Variants in SYTL3 observed in about 807,000 individuals in gnomAD.
SYTL3 encodes the protein synaptotagmin-like protein 3.
SYTL3 carries 88 observed loss-of-function variants against 82.1 expected under a neutral mutation model. The ratio of observed to expected loss-of-function variants is 1.07; its 90% CI spans 0.90 to 1.28. The LOEUF is 1.28. Ranked by LOEUF, SYTL3 falls within the 50% of genes most tolerant of loss-of-function variation. SYTL3 has a pLI of 0.00. For synonymous variants in SYTL3, 311 were observed against 289.4 expected (o/e 1.07, Z -0.76); for missense variants, 831 against 757.6 (o/e 1.10, Z -1.14).
At chr6:158,670,423 A>G (rs763324000) in intron 5 of SYTL3, among the ~76,000 whole-genome samples, 12 of 152,318 alleles carry the variant, frequency 7.9e-5, no homozygotes, top group South Asian at 6.2e-4. Flanking sequence ...GGTTAAGATG[A>G]TATTTGTCTA....
chr6:158,659,144 C>T (rs867906934), intron 2 of SYTL3, among the ~76,000 whole-genome samples: 3 of 152,178 alleles, frequency 2.0e-5, no homozygotes, highest in East Asian at 1.9e-4. Context: ...ACACATACCT[C>T]GAGTTCTCTA....
chr6:158,659,214 A>G (rs1365557563), intron 2 of SYTL3, among the ~76,000 whole-genome samples: 3 of 152,224 alleles, frequency 2.0e-5, no homozygotes, highest in African/African-American at 7.2e-5. Flanking sequence ...TGTATTTGAA[A>G]TACTTCCAGT....
chr6:158,744,597 G>A (rs531219170), intron 11 of SYTL3, among the ~76,000 whole-genome samples: 2 of 152,276 alleles, frequency 1.3e-5, no homozygotes, highest in East Asian at 3.9e-4. Flanking sequence ...GGGATTACAG[G>A]CGTGAGCCAC....
chr6:158,764,346 T>G, intron 17 of SYTL3, 149 bp from the exon 18 acceptor site: 1 of 600,240 alleles, frequency 1.7e-6, no homozygotes, highest in Non-Finnish European at 3.0e-6. Flanking sequence ...GGGGTGGGAG[T>G]GGTGGTGGCG....
In SYTL3 at chr6:158,682,908, TCTG is replaced by T. The variant is rs1221126222; in HGVS notation, c.330-14_330-12del. ...TATCTTCTCTCTCTGAAGCTTCCTTTCTGCTCATTTTTTCAGGAATGTCAAAAT... is the reference window on the plus strand; with the variant it reads ...TATCTTCTCTCTCTGAAGCTTCCTTTCTCATTTTTTCAGGAATGTCAAAAT... On this transcript the variant is annotated splice_polypyrimidine_tract_variant and intron_variant, in intron 5 of 17. Coordinates refer to ENST00000611299, the MANE Select transcript of SYTL3 (RefSeq NM_001242394.2). 4 of 1,606,716 alleles carry T rather than the reference TCTG, an allele frequency of 2.5e-6. No individual in the cohort carries two copies. Among genetic ancestry groups the T allele is most frequent in the African/African-American group, 1.3e-5 (1 of 74,790 alleles).
chr6:158,754,733 A>C (rs1788847881), intron 13 of SYTL3, among the ~76,000 whole-genome samples: 1 of 152,192 alleles, frequency 6.6e-6, no homozygotes, highest in Admixed American at 6.5e-5. Context: ...AAACAAAACA[A>C]AACAAAGCAA....
intron 11 of SYTL3, among the ~76,000 whole-genome samples, chr6:158,734,067 C>T (rs1785804156): frequency 8.4e-6 from 1 of 118,556 alleles, no homozygotes; most frequent in Admixed American, 1.1e-4. Flanking sequence ...TGCACTCCAG[C>T]ATGGGCAACA....
chr6:158,685,786 C>G (rs1779236825), intron 6 of SYTL3, among the ~76,000 whole-genome samples: 1 of 152,134 alleles, frequency 6.6e-6, no homozygotes, highest in Non-Finnish European at 1.5e-5. Flanking sequence ...CCATGGCACT[C>G]CAGCCTGGGC....
intron 10 of SYTL3, among the ~76,000 whole-genome samples, chr6:158,724,109 C>A (rs1784435964): frequency 6.6e-6 from 1 of 152,206 alleles, no homozygotes; most frequent in Non-Finnish European, 1.5e-5. Context: ...TTCCCATTGA[C>A]CTGGCTGGTG....
intron 10 of SYTL3, among the ~76,000 whole-genome samples, chr6:158,724,846 C>T (rs1784518613): frequency 6.6e-6 from 1 of 152,152 alleles, no homozygotes; most frequent in Non-Finnish European, 1.5e-5. Flanking sequence ...GAAACCCCAT[C>T]TCTACTAAAA....
intron 6 of SYTL3, among the ~76,000 whole-genome samples, chr6:158,683,811 C>T (rs1382538223): frequency 1.3e-5 from 2 of 152,162 alleles, no homozygotes; most frequent in African/African-American, 4.8e-5. Flanking sequence ...GAGTGAAGAG[C>T]GTTTGAACTG....
chr6:158,729,630 G>A (rs1325701104), intron 11 of SYTL3, among the ~76,000 whole-genome samples: 4 of 147,348 alleles, frequency 2.7e-5, no homozygotes, highest in South Asian at 2.1e-4. Flanking sequence ...TTAGTGGTGC[G>A]ATCTCAGCTC....
intron 12 of SYTL3, among the ~76,000 whole-genome samples, chr6:158,746,459 A>ATTATTATTATTATTATTAT (rs1554263762): frequency 1.6e-4 from 23 of 142,060 alleles, no homozygotes; most frequent in South Asian, 6.8e-4. Context: ...AATAATAATA[A>ATTATTATTATTATTATTAT]TATTATTATT....
intron 11 of SYTL3, among the ~76,000 whole-genome samples, chr6:158,728,352 A>C (rs1298127818): frequency 6.6e-6 from 1 of 152,066 alleles, no homozygotes; most frequent in East Asian, 1.9e-4. Flanking sequence ...AAAAAAAAGA[A>C]AAAAAAAGAC....
At chr6:158,761,978 C>G in intron 15 of SYTL3, 98 bp from the exon 16 acceptor site, 2 of 810,272 alleles carry the variant, frequency 2.5e-6, no homozygotes, top group Non-Finnish European at 4.1e-6. Flanking sequence ...AGGGCTGTAG[C>G]AGATTCTCTA....
At chr6:158,761,884 C>T (rs1247827205) in intron 15 of SYTL3, among the ~76,000 whole-genome samples, 192 bp from the exon 16 acceptor site, 8 of 152,270 alleles carry the variant, frequency 5.3e-5, no homozygotes, top group Admixed American at 6.5e-5. Context: ...GACCACAGAG[C>T]GGCACGGTGT....
chr6:158,670,948 G>A (rs189188274), intron 5 of SYTL3, among the ~76,000 whole-genome samples: 4,798 of 151,482 alleles, frequency 0.032, 248 homozygotes, highest in African/African-American at 0.1. Flanking sequence ...GACTACAGGC[G>A]CCCACCACCA....
At chr6:158,707,992 A>G (rs902930552) in intron 7 of SYTL3, among the ~76,000 whole-genome samples, 2 of 152,154 alleles carry the variant, frequency 1.3e-5, no homozygotes, top group Admixed American at 6.6e-5. Flanking sequence ...CTAAGAGAAC[A>G]CGGGAGCGCA....
chr6:158,735,411 C>T (rs958772636), intron 11 of SYTL3, among the ~76,000 whole-genome samples: 6 of 152,238 alleles, frequency 3.9e-5, no homozygotes, highest in South Asian at 2.1e-4. Flanking sequence ...TGTCTATTCT[C>T]ACCCATTTTT....
Sources: gnomAD v4.1 joint callset for allele counts (sites outside exome capture counted in the v4.1 genomes callset) on GRCh38, gnomAD v4.1.1 for gene constraint, MANE v1.5 for transcripts, NCBI Gene and HGNC (gene_info 2026-07-23, HGNC 2026-07-21) for gene names.